Variants in MAPK13 observed in about 807,000 individuals in gnomAD.
MAPK13 encodes mitogen-activated protein kinase 13.
In MAPK13, 39 loss-of-function variants were observed where a neutral mutation model predicts 53.5. That is an observed-to-expected ratio of 0.73 (90% confidence interval 0.56 to 0.95). The LOEUF (loss-of-function observed/expected upper bound fraction) is 0.95, where lower values mean the gene tolerates loss of function less well. MAPK13 is among the 40% of genes least tolerant of loss of function. The pLI is 0.00. For missense variants in MAPK13, 460 were observed against 471.8 expected (o/e 0.98, Z 0.23); for synonymous variants, 179 against 190.9 (o/e 0.94, Z 0.51).
At chr6:36,132,804 C>T in intron 3 of MAPK13, 125 bp downstream of exon 3, 1 of 981,832 alleles carries the variant, frequency 1.0e-6, no homozygotes, top group Non-Finnish European at 1.6e-6. Flanking sequence ...CCCTGGCAGT[C>T]CTGTGCCTTT....
intron 9 of MAPK13, 29 bp from the exon 10 acceptor site, chr6:36,138,672 TA>T: frequency 1.2e-6 from 2 of 1,604,136 alleles, no homozygotes; most frequent in Non-Finnish European, 1.7e-6. Flanking sequence ...GCCAGAGCCC[TA>T]AGGGGTTTGA....
chr6:36,136,792 G>A (rs1354998383), intron 7 of MAPK13, 22 bp downstream of exon 7: 1 of 1,612,480 alleles, frequency 6.2e-7, no homozygotes, highest in Non-Finnish European at 8.5e-7. Context: ...ATGCCTGAGA[G>A]GGCGGTCCTG....
chr6:36,130,638 G>C lies in MAPK13; in HGVS notation c.56G>C (p.Trp19Ser). 1 of 1,584,982 alleles carries C rather than the reference G, an allele frequency of 6.3e-7. No individual in the cohort carries two copies. The highest frequency in any genetic ancestry group is 8.6e-7 in the Non-Finnish European group (1 of 1,168,300). ...FYKQDVNKTAWELPKTYVSPT... is the reference protein window; with the variant it reads ...FYKQDVNKTASELPKTYVSPT... ...AAGCAGGACGTCAACAAGACAGCCT[G>C]GGAGCTGCCCAAGACCTACGTGTCC... Residue 19 changes from tryptophan (W) to serine (S), a missense_variant, in exon 1 of 12, where the codon TGG becomes TCG. Physicochemically the swap from Trp to Ser is radical, Grantham distance 177. Coordinates refer to ENST00000211287, the MANE Select transcript of MAPK13 (RefSeq NM_002754.5). This position sits in a 1 kb window ranked among gnomAD's most constrained non-coding sequence, Gnocchi z 4.5.
chr6:36,132,570 G>A (rs776514212), intron 2 of MAPK13, 51 bp from the exon 3 acceptor site: 1 of 1,554,284 alleles, frequency 6.4e-7, no homozygotes, highest in Non-Finnish European at 8.9e-7. Flanking sequence ...AGGAGGAGGT[G>A]GGAGGAGAAG....
chr6:36,135,837 G>C lies in MAPK13; in HGVS notation c.393G>C (p.Val131=). ...GTGAGGAGAAGATCCAGTACCTGGT[G>C]TATCAGATGCTCAAAGGCCTTAAGG... ...EFSEEKIQYL[V]YQMLKGLKYI... The change falls in exon 4 of 12, where the codon GTG becomes GTC. Residue 131 remains valine, a synonymous_variant. Coordinates refer to ENST00000211287, the MANE Select transcript of MAPK13 (RefSeq NM_002754.5). 3 of 1,613,960 alleles carry C rather than the reference G, an allele frequency of 1.9e-6. No individual in the cohort carries two copies. The South Asian group carries it at 3.3e-5, about 18-fold the overall frequency.
At position 36,131,300 on chromosome 6, in the gene MAPK13, A is replaced by C. The variant is rs1581878400; in HGVS notation, c.149A>C (p.Lys50Thr). Residue 50 changes from lysine to threonine, a missense_variant, in exon 2 of 12, where the codon AAG becomes ACG. Transcript: ENST00000211287. ...GCCATCGACAAGCGGTCAGGGGAGA[A>C]GGTGGCCATCAAGAAGCTGAGCCGA... ...CSAIDKRSGEKVAIKKLSRPF... is the reference protein window; with the variant it reads ...CSAIDKRSGETVAIKKLSRPF... 2 of 1,613,788 alleles carry C rather than the reference A, an allele frequency of 1.2e-6. No individual in the cohort carries two copies. Among genetic ancestry groups the C allele is most frequent in the East Asian group, 4.5e-5 (2 of 44,866 alleles).
rs371857533 is a variant in MAPK13, at chr6:36,130,659, T to G, written c.77T>G (p.Val26Gly). ...KTAWELPKTY[V>G]SPTHVGSGAY... ...GCCTGGGAGCTGCCCAAGACCTACG[T>G]GTCCCCGACGCACGTCGGCAGCGGG... The change falls in exon 1 of 12, where the codon GTG (valine) becomes GGG (glycine). Residue 26 changes from valine (V) to glycine (G), a missense_variant. Transcript: ENST00000211287. This position sits in a 1 kb window ranked among gnomAD's most constrained non-coding sequence, Gnocchi z 4.5. The G allele has an allele frequency of 6.4e-7, 1 of 1,572,848 alleles. No homozygotes were observed. Among genetic ancestry groups the G allele is most frequent in the East Asian group, 2.6e-5 (1 of 38,838 alleles).
chr6:36,135,025 AGAAAG>A (rs982227111), intron 3 of MAPK13, among the ~76,000 whole-genome samples: 2 of 152,250 alleles, frequency 1.3e-5, no homozygotes, highest in African/African-American at 4.8e-5. Flanking sequence ...AAAGAAAAAA[AGAAAG>A]GAAGAAAGAA....
At chr6:36,138,142 A>C (rs941047352) in intron 8 of MAPK13, among the ~76,000 whole-genome samples, 2 of 152,070 alleles carry the variant, frequency 1.3e-5, no homozygotes, top group Non-Finnish European at 2.9e-5. Context: ...GTCCACATCC[A>C]TTTGTTGGGT....
Position 36,138,457 on chromosome 6 carries a change from T to C in MAPK13, c.762+13T>C, listed in dbSNP as rs1341552247. 6.2e-7 allele frequency: 1 copy of C among 1,612,966 alleles called. No homozygotes were observed. Reference sequence around the variant, plus strand: ...GAACGACAAAGCGGTGGGTGGTAAATGGGACCTAGGCTGGCCTGGGCTGTG... The same window carrying C: ...GAACGACAAAGCGGTGGGTGGTAAACGGGACCTAGGCTGGCCTGGGCTGTG... On this transcript the variant is annotated intron_variant, in intron 9 of 11. Coordinates refer to ENST00000211287, the MANE Select transcript of MAPK13 (RefSeq NM_002754.5).
intron 1 of MAPK13, chr6:36,131,039 G>A: frequency 3.6e-6 from 2 of 551,052 alleles, no homozygotes; most frequent in Non-Finnish European, 6.4e-6. Context: ...TGAGACTCCC[G>A]CCCTGCCGTG....
intron 3 of MAPK13, among the ~76,000 whole-genome samples, chr6:36,133,167 G>A (rs528219398): frequency 9.2e-5 from 14 of 152,378 alleles, no homozygotes; most frequent in African/African-American, 3.4e-4. Context: ...GTGTCTGAAT[G>A]AGACTGGACT....
At chr6:36,138,845 C>T in intron 10 of MAPK13, 34 bp from the exon 11 acceptor site, 3 of 1,612,650 alleles carry the variant, frequency 1.9e-6, no homozygotes, top group Non-Finnish European at 1.7e-6. Context: ...CTCTCCCAGC[C>T]CCTGGTGTGA....
At chr6:36,135,216 G>A (rs1766392933) in intron 3 of MAPK13, among the ~76,000 whole-genome samples, 1 of 152,050 alleles carries the variant, frequency 6.6e-6, no homozygotes, top group Non-Finnish European at 1.5e-5. Context: ...ACATTTTGCT[G>A]GCCTTATCCT....
In MAPK13 at chr6:36,143,638, G is replaced by C. The variant is rs1766577704; in HGVS notation, c.*4265G>C. The C allele has an allele frequency of 6.6e-6, 1 of 152,102 alleles. No individual in the cohort carries two copies. Among genetic ancestry groups the C allele is most frequent in the Non-Finnish European group, 1.5e-5 (1 of 68,030 alleles). The allele number at this position is 152,102 out of a possible 1,614,324, so 9.4% of individuals were successfully genotyped here. A position where few individuals can be genotyped will look rare whatever the true frequency, so the allele number is the denominator to read the frequency against. ...AACAATTCCCTAAGATCTAATGCTGGGAGGCTCCCCTTCCTTCATTACACA... is the reference window on the plus strand; with the variant it reads ...AACAATTCCCTAAGATCTAATGCTGCGAGGCTCCCCTTCCTTCATTACACA... On this transcript the variant is annotated 3_prime_UTR_variant, in exon 12 of 12. Transcript: ENST00000211287.
chr6:36,135,587 G>A lies in MAPK13; in HGVS notation c.309-166G>A, dbSNP rs9368905. 1.7e-4 allele frequency among the ~76,000 whole-genome samples: 26 copies of A among 152,310 alleles called. No individual in the cohort carries two copies. The East Asian group carries it at 4.8e-3, about 28-fold the overall frequency. On this transcript the variant is annotated intron_variant, in intron 3 of 11. Coordinates refer to ENST00000211287, the MANE Select transcript of MAPK13 (RefSeq NM_002754.5). ...GCCACAGGGAGACTGGGAGCCAGGA[G>A]CCCAGAGGCCCGTGTGGTGATCTGG...
rs956297028 is a variant in MAPK13, at chr6:36,144,281, G to A, written c.*4908G>A. The A allele has an allele frequency of 6.6e-6, 1 of 152,208 alleles. No individual in the cohort carries two copies. The highest frequency in any genetic ancestry group is 1.5e-5 in the Non-Finnish European group (1 of 68,038). 9.4% of individuals were successfully genotyped at this position (152,208 alleles called of 1,614,324 possible). A position where few individuals can be genotyped will look rare whatever the true frequency, so the allele number is the denominator to read the frequency against. ...TAAAATGTATAACGTGATACTATGT[G>A]TATAGGTTTCTTTATTAACATATTG... On this transcript the variant is annotated 3_prime_UTR_variant, in exon 12 of 12. Transcript: ENST00000211287.
chr6:36,138,133 T>C (rs1766457795), intron 8 of MAPK13, among the ~76,000 whole-genome samples: 1 of 151,914 alleles, frequency 6.6e-6, no homozygotes, highest in African/African-American at 2.4e-5. Flanking sequence ...GGCTGAGAAG[T>C]CCACATCCAT....
chr6:36,136,854 G>A (rs1431722419), intron 7 of MAPK13, 25 bp from the exon 8 acceptor site: 1 of 1,613,348 alleles, frequency 6.2e-7, no homozygotes, highest in Non-Finnish European at 8.5e-7. Flanking sequence ...AGACAGTCCA[G>A]GTGACACTCT....
Sources: gnomAD v4.1 joint callset for allele counts (sites outside exome capture counted in the v4.1 genomes callset) on GRCh38, gnomAD v4.1.1 for gene constraint, Gnocchi (gnomAD v3.1) non-coding constraint, MANE v1.5 for transcripts, NCBI Gene and HGNC (gene_info 2026-07-23, HGNC 2026-07-21) for gene names.